Variants in PTBP2 observed in about 807,000 individuals in gnomAD.
PTBP2 encodes polypyrimidine tract-binding protein 2.
A neutral mutation model predicts 61.4 loss-of-function variants in PTBP2; 13 were observed. The observed-to-expected ratio is 0.21, with a 90% CI of 0.14 to 0.34. The LOEUF (loss-of-function observed/expected upper bound fraction) is 0.34. Ranked by LOEUF, PTBP2 falls within the 10% of genes least tolerant of loss-of-function variation. The pLI is 1.00. For synonymous variants in PTBP2, 215 were observed against 218.5 expected, an observed-to-expected ratio of 0.98 and a Z score of 0.14; for missense variants, 405 against 642.6, an observed-to-expected ratio of 0.63 and a Z score of 4.00.
At position 96,782,148 on chromosome 1, in the gene PTBP2, T is replaced by C. The variant is rs542420057; in HGVS notation, c.709-2911T>C. Among the ~76,000 whole-genome samples, 5 of 152,080 alleles carry C rather than the reference T, an allele frequency of 3.3e-5. No homozygotes were observed. In the South Asian group the frequency reaches 1.0e-3, roughly 32 times the overall value. On this transcript the variant is annotated intron_variant, in intron 7 of 13. Transcript: ENST00000674951. The stretch of plus-strand genomic sequence containing the variant: ...TTGGTTTTTGTTATTAGAAACAGCT[T>C]TTCAGAAACATGTCTTTATTAGGAA...
chr1:96,751,058 T>C (rs1227932462), intron 2 of PTBP2, among the ~76,000 whole-genome samples: 1 of 152,140 alleles, frequency 6.6e-6, no homozygotes. Context: ...ATTATCTGGA[T>C]GAATAAAGGA....
At chr1:96,726,074 CAAAAAAAAAAAAAAAA>C (rs762152365) in intron 2 of PTBP2, among the ~76,000 whole-genome samples, 29 of 54,190 alleles carry the variant, frequency 5.4e-4, no homozygotes, top group African/African-American at 1.8e-3. Context: ...GACTCTATCT[CAAAAAAAAAAAAAAAA>C]AAAAAAAAAA....
At chr1:96,749,104 T>TA (rs200658197) in intron 2 of PTBP2, among the ~76,000 whole-genome samples, 8 of 150,848 alleles carry the variant, frequency 5.3e-5, no homozygotes, top group East Asian at 3.9e-4. Flanking sequence ...AATACAAACT[T>TA]AAAAAAAAAT....
At chr1:96,782,690 T>A (rs273871) in intron 7 of PTBP2, among the ~76,000 whole-genome samples, 1 of 151,838 alleles carries the variant, frequency 6.6e-6, no homozygotes, top group Non-Finnish European at 1.5e-5. Context: ...AAAGTAGATA[T>A]TTAAAGAATT....
intron 4 of PTBP2, 27 bp from the exon 5 acceptor site, chr1:96,770,681 T>C: frequency 6.3e-7 from 1 of 1,582,196 alleles, no homozygotes; most frequent in Non-Finnish European, 8.7e-7. Flanking sequence ...TTTATAGTAT[T>C]AAAAATTGTG....
At chr1:96,803,545 A>G (rs1176875653) in intron 8 of PTBP2, among the ~76,000 whole-genome samples, 1 of 151,764 alleles carries the variant, frequency 6.6e-6, no homozygotes, top group Non-Finnish European at 1.5e-5. Context: ...AGGCTGAATT[A>G]AAAAGAGATG....
At chr1:96,762,497 AC>A (rs1332619574) in intron 3 of PTBP2, among the ~76,000 whole-genome samples, 2 of 63,480 alleles carry the variant, frequency 3.2e-5, no homozygotes, top group Admixed American at 1.5e-4. Context: ...CTGGGGGCTG[AC>A]CCCCGCCACC....
exon 14 of PTBP2, chr1:96,822,917 A>C (rs982315843): frequency 1.3e-5 from 2 of 152,160 alleles, no homozygotes; most frequent in Non-Finnish European, 2.9e-5. Flanking sequence ...ATCCTTAGAA[A>C]ACTGCAAAAC....
intron 2 of PTBP2, among the ~76,000 whole-genome samples, chr1:96,745,764 A>G (rs1235972534): frequency 1.3e-5 from 2 of 152,004 alleles, no homozygotes; most frequent in Admixed American, 1.3e-4. Flanking sequence ...GGACATTTGA[A>G]TATTTAAAGA....
chr1:96,781,680 C>T (rs1658687079), intron 7 of PTBP2, among the ~76,000 whole-genome samples: 2 of 152,026 alleles, frequency 1.3e-5, no homozygotes, highest in South Asian at 4.1e-4. Context: ...TTCTCAGTAT[C>T]ACACATAAAA....
exon 14 of PTBP2, chr1:96,820,258 G>C (rs935766087): frequency 6.6e-6 from 1 of 151,914 alleles, no homozygotes; most frequent in Admixed American, 6.6e-5. Flanking sequence ...TTTTCCCTAA[G>C]ATCATTTTGA....
chr1:96,729,957 C>T (rs370808157), intron 2 of PTBP2, among the ~76,000 whole-genome samples: 7 of 152,120 alleles, frequency 4.6e-5, no homozygotes, highest in Admixed American at 1.3e-4. Context: ...AGGTTGGTCT[C>T]GAACTTGTGA....
At chr1:96,726,275 C>CT (rs564018394) in intron 2 of PTBP2, among the ~76,000 whole-genome samples, 2,688 of 125,626 alleles carry the variant, frequency 0.021, 47 homozygotes, top group South Asian at 0.061. Flanking sequence ...CACATCTTGC[C>CT]TTTTTTTTTT....
chr1:96,812,748 A>G lies in PTBP2; in HGVS notation c.1208A>G (p.Lys403Arg). The G allele has an allele frequency of 6.2e-7, 1 of 1,607,606 alleles. No individual in the cohort carries two copies. Among genetic ancestry groups the G allele is most frequent in the Non-Finnish European group, 8.5e-7 (1 of 1,174,344 alleles). Residue 403 changes from lysine (K) to arginine (R), a missense_variant, in exon 12 of 14, where the codon AAA becomes AGA. Transcript: ENST00000674951. ...NHLNGQKMYGKIIRVTLSKHQ... is the reference protein window; with the variant it reads ...NHLNGQKMYGRIIRVTLSKHQ... ...CTTAATGGACAGAAAATGTATGGAA[A>G]AATTATTCGTGTTACTCTGTCTAAA... is the stretch of plus-strand genomic sequence containing the variant.
chr1:96,773,123 C>CAAAAAAA (rs563241972), intron 5 of PTBP2, among the ~76,000 whole-genome samples: 7 of 88,250 alleles, frequency 7.9e-5, no homozygotes, highest in South Asian at 4.0e-4. Flanking sequence ...GACTCTATCT[C>CAAAAAAA]AAAAAAAAAA....
intron 2 of PTBP2, among the ~76,000 whole-genome samples, chr1:96,745,922 G>A (rs755521565): frequency 2.6e-5 from 4 of 151,784 alleles, no homozygotes; most frequent in African/African-American, 7.3e-5. Flanking sequence ...CATAATTAGC[G>A]GGGTATGGTG....
At chr1:96,742,871 A>G (rs1039772047) in intron 2 of PTBP2, among the ~76,000 whole-genome samples, 3 of 152,204 alleles carry the variant, frequency 2.0e-5, no homozygotes, top group Non-Finnish European at 2.9e-5. Context: ...ACCATTATAA[A>G]GTTTAAAATA....
chr1:96,729,796 G>A (rs1651144576), intron 2 of PTBP2, among the ~76,000 whole-genome samples: 1 of 148,634 alleles, frequency 6.7e-6, no homozygotes, highest in South Asian at 2.1e-4. Context: ...GAGTGCAGTG[G>A]CACCATCTCG....
intron 2 of PTBP2, among the ~76,000 whole-genome samples, chr1:96,739,287 A>G (rs953675559): frequency 6.6e-6 from 1 of 152,206 alleles, no homozygotes; most frequent in Non-Finnish European, 1.5e-5. Flanking sequence ...ATAACTTGAT[A>G]TAAATCTTTT....
Sources: gnomAD v4.1 joint callset for allele counts (sites outside exome capture counted in the v4.1 genomes callset) on GRCh38, gnomAD v4.1.1 for gene constraint, MANE v1.5 for transcripts, NCBI Gene and HGNC (gene_info 2026-07-23, HGNC 2026-07-21) for gene names.